Variants in ZNF827 observed in about 807,000 individuals in gnomAD.
ZNF827 encodes zinc finger protein 827.
Under a neutral mutation model 102.4 loss-of-function variants are expected in ZNF827, and 13 were observed. That is an observed-to-expected ratio of 0.13 (90% CI 0.08 to 0.20). The LOEUF (loss-of-function observed/expected upper bound fraction) is 0.20, where lower values mean the gene tolerates loss of function less well. Ranked by LOEUF, ZNF827 falls within the 10% of genes least tolerant of loss-of-function variation. The pLI is 1.00. For synonymous variants in ZNF827, 523 were observed against 536.2 expected, an observed-to-expected ratio of 0.98 and a Z score of 0.34; for missense variants, 1,103 against 1,344.4, an observed-to-expected ratio of 0.82 and a Z score of 2.81.
At position 145,774,647 on chromosome 4, in the gene ZNF827, C is replaced by T. The variant is rs1313066108; in HGVS notation, c.2719G>A (p.Glu907Lys). The stretch of plus-strand genomic sequence containing the variant: ...TGGCTGACAAACTGGACATTGAGCT[C>T]GGTCTCAAATCCACACACGTGACAA... Reference protein sequence around the residue: ...YSCHVCGFETELNVQFVSHMS... With the variant: ...YSCHVCGFETKLNVQFVSHMS... Residue 907 changes from glutamate (E) to lysine (K), a missense_variant, in exon 11 of 15, where the codon GAG becomes AAG. Glu to Lys is a moderately conservative substitution (Grantham distance 56, BLOSUM62 1). Coordinates refer to ENST00000508784, the MANE Select transcript of ZNF827 (RefSeq NM_001306215.2). 5.6e-6 allele frequency: 9 copies of T among 1,613,668 alleles called. No homozygotes were observed. The highest frequency in any genetic ancestry group is 2.2e-5 in the East Asian group (1 of 44,856).
chr4:145,847,714 A>C (rs1409160660), intron 6 of ZNF827, among the ~76,000 whole-genome samples: 3 of 152,232 alleles, frequency 2.0e-5, no homozygotes, highest in Non-Finnish European at 2.9e-5. Flanking sequence ...GGCTTCTTTT[A>C]ATATCTAGAA....
intron 9 of ZNF827, among the ~76,000 whole-genome samples, chr4:145,778,440 AC>A (rs1737443685): frequency 1.3e-5 from 2 of 151,412 alleles, no homozygotes; most frequent in Non-Finnish European, 2.9e-5. Context: ...GACAACAAAA[AC>A]CTTTTTTTTT....
intron 5 of ZNF827, among the ~76,000 whole-genome samples, chr4:145,866,455 G>A (rs1561016978): frequency 6.6e-6 from 1 of 152,116 alleles, no homozygotes; most frequent in Non-Finnish European, 1.5e-5. Flanking sequence ...TATACAAGAA[G>A]CAATTGTAAT....
intron 1 of ZNF827, among the ~76,000 whole-genome samples, chr4:145,915,490 A>G (rs1019410626): frequency 6.6e-6 from 1 of 152,078 alleles, no homozygotes; most frequent in African/African-American, 2.4e-5. Flanking sequence ...CACTCCCGAG[A>G]TAAGGATACT....
chr4:145,920,197 A>G (rs1295296130), intron 1 of ZNF827, among the ~76,000 whole-genome samples: 1 of 152,212 alleles, frequency 6.6e-6, no homozygotes, highest in African/African-American at 2.4e-5. Context: ...TTACCTCAGA[A>G]CTGTTGATAT....
chr4:145,848,073 T>G (rs1005279973), intron 6 of ZNF827, among the ~76,000 whole-genome samples: 2 of 152,182 alleles, frequency 1.3e-5, no homozygotes, highest in Non-Finnish European at 2.9e-5. Flanking sequence ...AGCATACGGT[T>G]TAGAGAGACT....
intron 1 of ZNF827, among the ~76,000 whole-genome samples, chr4:145,928,401 T>C (rs1175921147): frequency 6.6e-6 from 1 of 152,212 alleles, no homozygotes; most frequent in Non-Finnish European, 1.5e-5. Context: ...GGTTGGCTGA[T>C]GGTGATCAGA....
rs574076439 is a variant in ZNF827, at chr4:145,846,079, C to T, written c.2222-66G>A. ...TCTCACTCAACTTGCATCTTTTAGCCTTAAGCAGAAAAACCCTCAACATCT... is the reference window on the plus strand; with the variant it reads ...TCTCACTCAACTTGCATCTTTTAGCTTTAAGCAGAAAAACCCTCAACATCT... On this transcript the variant is annotated intron_variant, in intron 6 of 14. Coordinates refer to ENST00000508784, the MANE Select transcript of ZNF827 (RefSeq NM_001306215.2). 5.1e-5 allele frequency: 78 copies of T among 1,530,230 alleles called. 2 individuals carry two copies. The East Asian group carries it at 1.1e-3, about 21-fold the overall frequency. 94.8% of individuals were successfully genotyped at this position (1,530,230 alleles called of 1,614,324 possible). A position where few individuals can be genotyped will look rare whatever the true frequency, so the allele number is the denominator to read the frequency against.
chr4:145,868,801 T>C (rs1748428985), intron 5 of ZNF827, among the ~76,000 whole-genome samples: 1 of 152,154 alleles, frequency 6.6e-6, no homozygotes, highest in Non-Finnish European at 1.5e-5. Flanking sequence ...AATCTGACCA[T>C]AAGGAGGGAG....
rs139307674 is a variant in ZNF827 at position 145,806,062 on chromosome 4, G to A, written c.2383+17360C>T. Among the ~76,000 whole-genome samples the A allele has an allele frequency of 6.0e-3, 904 of 151,764 alleles. 10 individuals are homozygous for A. The highest frequency in any genetic ancestry group is 0.021 in the African/African-American group (864 of 41,300). On this transcript the variant is annotated intron_variant, in intron 8 of 14. Transcript: ENST00000508784. ...GGGTGTATACTTCATGAGGACAGGGGCTTTGTTTTATTCACTGCTGTTCCC... is the reference window on the plus strand; with the variant it reads ...GGGTGTATACTTCATGAGGACAGGGACTTTGTTTTATTCACTGCTGTTCCC...
At position 145,759,612 on chromosome 4, in the gene ZNF827, G is replaced by A. The variant is rs1326550290; in HGVS notation, c.*2004C>T. 2 of 152,070 alleles carry A rather than the reference G, an allele frequency of 1.3e-5. No homozygotes were observed. The highest frequency in any genetic ancestry group is 4.8e-5 in the African/African-American group (2 of 41,414). 9.4% of individuals were successfully genotyped at this position (152,070 alleles called of 1,614,324 possible). A position where few individuals can be genotyped will look rare whatever the true frequency, so the allele number is the denominator to read the frequency against. On this transcript the variant is annotated 3_prime_UTR_variant, in exon 15 of 15. Coordinates refer to ENST00000508784, the MANE Select transcript of ZNF827 (RefSeq NM_001306215.2). ...TTTTGTTGCGTCATTATATGTCAAAGAGGTTGTGGCTAAATCTTCAAACAT... is the reference window on the plus strand; with the variant it reads ...TTTTGTTGCGTCATTATATGTCAAAAAGGTTGTGGCTAAATCTTCAAACAT...
intron 5 of ZNF827, among the ~76,000 whole-genome samples, chr4:145,853,078 A>G (rs1204865750): frequency 6.6e-6 from 1 of 152,198 alleles, no homozygotes; most frequent in Admixed American, 6.5e-5. Context: ...AAGTTCAATC[A>G]CCACACAAGA....
intron 8 of ZNF827, among the ~76,000 whole-genome samples, chr4:145,785,731 C>T (rs376404258): frequency 4.6e-5 from 7 of 152,182 alleles, no homozygotes; most frequent in African/African-American, 1.4e-4. Context: ...TCTGGGAGAG[C>T]AGAGACAGAC....
At chr4:145,886,562 T>G (rs140159021) in intron 3 of ZNF827, among the ~76,000 whole-genome samples, 1 of 152,228 alleles carries the variant, frequency 6.6e-6, no homozygotes, top group African/African-American at 2.4e-5. Context: ...AATGATACTT[T>G]GCATTCATCC....
At chr4:145,826,403 T>A (rs1276989462) in intron 7 of ZNF827, among the ~76,000 whole-genome samples, 1 of 152,192 alleles carries the variant, frequency 6.6e-6, no homozygotes, top group African/African-American at 2.4e-5. Context: ...GTGCTTTGTG[T>A]GTATTAACTT....
intron 7 of ZNF827, among the ~76,000 whole-genome samples, chr4:145,836,999 T>A (rs574439827): frequency 0.01 from 1,526 of 150,158 alleles, 23 homozygotes; most frequent in African/African-American, 0.035. Flanking sequence ...CTGAGTCAGA[T>A]AACTAAAATA....
At position 145,819,285 on chromosome 4, in the gene ZNF827, G is replaced by T. The variant is rs75576195; in HGVS notation, c.2383+4137C>A. Among the ~76,000 whole-genome samples the T allele has an allele frequency of 1.5e-3, 233 of 152,142 alleles. 5 individuals carry two copies. The East Asian group carries it at 0.044, about 29-fold the overall frequency. ...GAGACCCACATTTTCCTTCACACCC[G>T]CCCTGGTTGTGTTTTTGTTTTTTGG... On this transcript the variant is annotated intron_variant, in intron 8 of 14. Coordinates refer to ENST00000508784, the MANE Select transcript of ZNF827 (RefSeq NM_001306215.2).
chr4:145,908,071 T>G (rs1752009824), intron 1 of ZNF827, among the ~76,000 whole-genome samples: 1 of 152,208 alleles, frequency 6.6e-6, no homozygotes, highest in Admixed American at 6.5e-5. Flanking sequence ...CACTTCCTTT[T>G]TGGTTTGACA....
rs149434882 is a variant in ZNF827 at position 145,825,334 on chromosome 4, A to C, written c.2280-1809T>G. On this transcript the variant is annotated intron_variant, in intron 7 of 14. Coordinates refer to ENST00000508784, the MANE Select transcript of ZNF827 (RefSeq NM_001306215.2). ...AGTCTGGACCCTGTGTGCAGTGATC[A>C]TGGCTTTGTCCCAACAGTAGTGAGG... is the stretch of plus-strand genomic sequence containing the variant. Among the ~76,000 whole-genome samples, 51 of 152,354 alleles carry C rather than the reference A, an allele frequency of 3.3e-4. No individual in the cohort carries two copies. The East Asian group carries it at 7.1e-3, about 21-fold the overall frequency.
Sources: allele counts gnomAD v4.1 joint callset (sites outside exome capture counted in the v4.1 genomes callset), GRCh38; gene constraint gnomAD v4.1.1; transcripts MANE v1.5; gene names NCBI Gene and HGNC (gene_info 2026-07-23, HGNC 2026-07-21).